F13A1: variants seen among roughly 807,000 people sequenced by gnomAD.
F13A1 encodes the protein FSF, A subunit.
A neutral mutation model predicts 80.1 loss-of-function variants in F13A1; 47 were observed. That is an observed-to-expected ratio of 0.59 (90% CI 0.46 to 0.75). The LOEUF is 0.75. F13A1 is among the 30% of genes least tolerant of loss of function. The pLI is 0.00. For missense variants in F13A1, 817 were observed against 930.4 expected (o/e 0.88, Z 1.59); for synonymous variants, 349 against 344.9 (o/e 1.01, Z -0.13).
intron 4 of F13A1, among the ~76,000 whole-genome samples, chr6:6,255,001 A>G (rs1757684079): frequency 6.6e-6 from 1 of 152,146 alleles, no homozygotes; most frequent in African/African-American, 2.4e-5. Context: ...TAAGAGCAAT[A>G]TAGGGTTGTG....
intron 3 of F13A1, chr6:6,305,084 G>A (rs1255587645): frequency 5.9e-6 from 3 of 506,550 alleles, no homozygotes; most frequent in African/African-American, 5.8e-5. Context: ...CCATTTGTTT[G>A]AGGAAGAATA....
chr6:6,191,488 G>A (rs1445073664), intron 10 of F13A1, among the ~76,000 whole-genome samples: 2 of 152,146 alleles, frequency 1.3e-5, no homozygotes, highest in Admixed American at 6.5e-5. Context: ...TTAAGTACAG[G>A]CACTTCCTAC....
chr6:6,283,195 T>G (rs1263109843), intron 3 of F13A1, among the ~76,000 whole-genome samples: 2 of 152,198 alleles, frequency 1.3e-5, no homozygotes, highest in African/African-American at 4.8e-5. Flanking sequence ...TGGAGGGGCA[T>G]TCTAAAAATT....
At chr6:6,288,325 A>T (rs1758166669) in intron 3 of F13A1, among the ~76,000 whole-genome samples, 1 of 152,088 alleles carries the variant, frequency 6.6e-6, no homozygotes, top group African/African-American at 2.4e-5. Context: ...CTTTTTCCTC[A>T]TTCCTTGCCC....
intron 8 of F13A1, among the ~76,000 whole-genome samples, chr6:6,208,599 C>T (rs1478346693): frequency 6.6e-6 from 1 of 152,154 alleles, no homozygotes; most frequent in African/African-American, 2.4e-5. Context: ...CACTTAGACA[C>T]ATCATATTCA....
At position 6,320,594 on chromosome 6, in the gene F13A1, C is replaced by T. The variant is rs779064014; in HGVS notation, c.-26G>A. ...GCAGGGTCGGTGGCTTACCTGCAGGCGCTCCCCTCCAGAGGTGCCCTCGCG... is the reference window on the plus strand; with the variant it reads ...GCAGGGTCGGTGGCTTACCTGCAGGTGCTCCCCTCCAGAGGTGCCCTCGCG... On this transcript the variant is annotated 5_prime_UTR_variant, in exon 1 of 15. Transcript: ENST00000264870. The T allele has an allele frequency of 2.3e-4, 110 of 468,686 alleles. No homozygotes were observed. Among genetic ancestry groups the T allele is most frequent in the Non-Finnish European group, 4.5e-4 (102 of 225,776 alleles). 29.0% of individuals were successfully genotyped at this position (468,686 alleles called of 1,614,324 possible). A position where few individuals can be genotyped will look rare whatever the true frequency, so the allele number is the denominator to read the frequency against.
At chr6:6,295,563 A>G (rs1481032653) in intron 3 of F13A1, among the ~76,000 whole-genome samples, 1 of 145,974 alleles carries the variant, frequency 6.9e-6, no homozygotes, top group Non-Finnish European at 1.5e-5. Flanking sequence ...GTGTCTGTTC[A>G]TATCCTTCGC....
At chr6:6,187,638 G>A (rs2151079099) in intron 10 of F13A1, among the ~76,000 whole-genome samples, 1 of 103,060 alleles carries the variant, frequency 9.7e-6, no homozygotes, top group African/African-American at 4.1e-5. Context: ...ATTTTATTGA[G>A]GATTTTTGCA....
chr6:6,180,613 T>A (rs542855787), intron 11 of F13A1, among the ~76,000 whole-genome samples: 156 of 152,368 alleles, frequency 1.0e-3, no homozygotes, highest in Non-Finnish European at 1.7e-3. Context: ...TTATATTGTT[T>A]TAAATTTTCC....
intron 2 of F13A1, among the ~76,000 whole-genome samples, chr6:6,314,817 A>G (rs1758656777): frequency 1.3e-5 from 2 of 152,230 alleles, no homozygotes; most frequent in African/African-American, 4.8e-5. Flanking sequence ...CAGGAACTGA[A>G]TGAAAGGAGG....
At chr6:6,244,635 T>C (rs1431641223) in intron 6 of F13A1, among the ~76,000 whole-genome samples, 2 of 152,154 alleles carry the variant, frequency 1.3e-5, no homozygotes, top group African/African-American at 4.8e-5. Flanking sequence ...ACTGAATGTA[T>C]AAAGGAAAAA....
intron 4 of F13A1, among the ~76,000 whole-genome samples, chr6:6,262,794 AC>A (rs1310962796): frequency 6.6e-6 from 1 of 151,262 alleles, no homozygotes; most frequent in African/African-American, 2.4e-5. Flanking sequence ...CTCTTCTTCT[AC>A]TCTACTCCTG....
In F13A1 at chr6:6,174,720, A is replaced by T. The variant is rs1711524752; in HGVS notation, c.1607T>A (p.Leu536His). 6.2e-7 allele frequency: 1 copy of T among 1,613,952 alleles called. No individual in the cohort carries two copies. The highest frequency in any genetic ancestry group is 1.3e-5 in the African/African-American group (1 of 74,876). The change falls in exon 12 of 15, where the codon CTC becomes CAC. Residue 536 changes from leucine (L) to histidine (H), a missense_variant. Coordinates refer to ENST00000264870, the MANE Select transcript of F13A1 (RefSeq NM_000129.4). Reference sequence around the variant, plus strand: ...GCTGTTGTTCCGGAAGGTGATGGAGAGCTTGAAGTCTTTTCCCAGCACAGC... The same window carrying T: ...GCTGTTGTTCCGGAAGGTGATGGAGTGCTTGAAGTCTTTTCCCAGCACAGC... ...ENAVLGKDFK[L>H]SITFRNNSHN...
intron 3 of F13A1, among the ~76,000 whole-genome samples, chr6:6,285,496 G>C (rs1758124965): frequency 6.6e-6 from 1 of 152,262 alleles, no homozygotes. Flanking sequence ...TTTAGCCAGA[G>C]ATGGGCAGCA....
In F13A1 at chr6:6,216,337, C is replaced by T. The variant is rs548594115; in HGVS notation, c.1112+5696G>A. Among the ~76,000 whole-genome samples the T allele has an allele frequency of 5.1e-3, 775 of 151,552 alleles. 9 individuals are homozygous for T. Among genetic ancestry groups the T allele is most frequent in the African/African-American group, 0.018 (746 of 41,070 alleles). ...CTGGTACCAAAACAGAGATATAGATCAATGGAACAAAACAGAGCTCTCAGA... is the reference window on the plus strand; with the variant it reads ...CTGGTACCAAAACAGAGATATAGATTAATGGAACAAAACAGAGCTCTCAGA... On this transcript the variant is annotated intron_variant, in intron 8 of 14. Transcript: ENST00000264870.
At chr6:6,159,011 C>T (rs1210255387) in intron 13 of F13A1, among the ~76,000 whole-genome samples, 1 of 151,298 alleles carries the variant, frequency 6.6e-6, no homozygotes, top group Non-Finnish European at 1.5e-5. Context: ...ACGCCATTCT[C>T]CTGCCTCAGC....
At chr6:6,219,565 C>G (rs951892852) in intron 8 of F13A1, among the ~76,000 whole-genome samples, 1 of 152,198 alleles carries the variant, frequency 6.6e-6, no homozygotes. Flanking sequence ...CAAAGCCACA[C>G]AGCAAGTAGC....
rs1446148026 is a variant in F13A1 at position 6,243,863 on chromosome 6, A to T, written c.798+4449T>A. Among the ~76,000 whole-genome samples, 2 of 152,250 alleles carry T rather than the reference A, an allele frequency of 1.3e-5. No individual in the cohort carries two copies. The highest frequency in any genetic ancestry group is 3.8e-4 in the East Asian group (2 of 5,196). On this transcript the variant is annotated intron_variant, in intron 6 of 14. Transcript: ENST00000264870. The surrounding 1 kb of genome is among the most constrained non-coding windows in gnomAD (Gnocchi z 4.2). ...GAGGTGGTACATGTAGGTGTGTCAC[A>T]GTGAATAACGAGCCTTTATCTGCAG...
rs1761236583 is a variant in F13A1, at chr6:6,193,429, A to G, written c.1305+2368T>C. ...AGAGCCACAGACTCGAACCTGAGTC[A>G]TATCGACTCATATGACACTCCCCAT... On this transcript the variant is annotated intron_variant, in intron 10 of 14. Coordinates refer to ENST00000264870, the MANE Select transcript of F13A1 (RefSeq NM_000129.4). Among the ~76,000 whole-genome samples, 4 of 152,206 alleles carry G rather than the reference A, an allele frequency of 2.6e-5. 1 individual carries two copies. In the South Asian group the frequency reaches 8.3e-4, roughly 32 times the overall value.
Sources: allele counts gnomAD v4.1 joint callset (sites outside exome capture counted in the v4.1 genomes callset), GRCh38; gene constraint gnomAD v4.1.1; non-coding constraint Gnocchi (gnomAD v3.1); transcripts MANE v1.5; gene names NCBI Gene and HGNC (gene_info 2026-07-23, HGNC 2026-07-21).